ACACA: variants seen among roughly 807,000 people sequenced by gnomAD.
The protein encoded by ACACA is acetyl-CoA carboxylase alpha.
ACACA carries 103 observed loss-of-function variants against 296.1 expected under a neutral mutation model. The observed-to-expected ratio is 0.35, with a 90% CI of 0.30 to 0.41. ACACA has a LOEUF of 0.41. Ranked by LOEUF, ACACA falls within the 10% of genes least tolerant of loss-of-function variation. The probability of loss-of-function intolerance (pLI) is 1.00; values close to 1 mark genes in which losing one functional copy is unlikely to be tolerated. For missense variants in ACACA, 1,554 were observed against 2,989.7 expected (o/e 0.52, Z 11.20); for synonymous variants, 953 against 1,038.6 (o/e 0.92, Z 1.58).
At chr17:37,357,729 C>A (rs929617688) in intron 1 of ACACA, among the ~76,000 whole-genome samples, 3 of 152,146 alleles carry the variant, frequency 2.0e-5, no homozygotes, top group Non-Finnish European at 4.4e-5. Context: ...TCTATCTGGA[C>A]AGGTAAACTG....
At chr17:37,336,071 T>C (rs2048103324) in intron 2 of ACACA, among the ~76,000 whole-genome samples, 1 of 152,144 alleles carries the variant, frequency 6.6e-6, no homozygotes, top group Non-Finnish European at 1.5e-5. Context: ...GGACCCTGTA[T>C]CTTTAACCTC....
At chr17:37,389,855 T>C (rs953640289) in intron 1 of ACACA, among the ~76,000 whole-genome samples, 2 of 151,580 alleles carry the variant, frequency 1.3e-5, no homozygotes, top group African/African-American at 4.8e-5. Context: ...TGTCAGGAAA[T>C]AGGTAGGATT....
chr17:37,350,348 C>CAAA (rs199521054), intron 1 of ACACA, among the ~76,000 whole-genome samples: 1 of 138,596 alleles, frequency 7.2e-6, no homozygotes, highest in African/African-American at 2.7e-5. Flanking sequence ...AAAAAAAAAC[C>CAAA]AAAAAAAAAA....
At chr17:37,261,456 G>A (rs771805359) in intron 11 of ACACA, among the ~76,000 whole-genome samples, 34 of 152,208 alleles carry the variant, frequency 2.2e-4, no homozygotes, top group Non-Finnish European at 5.0e-4. Flanking sequence ...TGAAGGAATT[G>A]TATTTCTAAA....
At chr17:37,106,235 G>A (rs150704081) in intron 52 of ACACA, among the ~76,000 whole-genome samples, 1 of 152,158 alleles carries the variant, frequency 6.6e-6, no homozygotes, top group East Asian at 1.9e-4. Flanking sequence ...GAAAAACTGC[G>A]TAAATCAGAT....
intron 54 of ACACA, among the ~76,000 whole-genome samples, chr17:37,090,871 G>A (rs2072576654): frequency 6.6e-6 from 1 of 151,878 alleles, no homozygotes; most frequent in Non-Finnish European, 1.5e-5. Flanking sequence ...ATGAAGATTG[G>A]GGTGGAGGGG....
chr17:37,087,170 G>T lies in ACACA; in HGVS notation c.*146C>A. The T allele has an allele frequency of 9.1e-7, 1 of 1,101,088 alleles. No individual in the cohort carries two copies. Among genetic ancestry groups the T allele is most frequent in the Non-Finnish European group, 1.3e-6 (1 of 744,534 alleles). The allele number at this position is 1,101,088 out of a possible 1,614,324, so 68.2% of individuals were successfully genotyped here. On this transcript the variant is annotated 3_prime_UTR_variant, in exon 56 of 56. Coordinates refer to ENST00000616317, the MANE Select transcript of ACACA (RefSeq NM_198834.3). ...GTGATCTTACATCCCAGGATGTCATGCATAACCTGAAACGAGAGGAAGTAA... is the reference window on the plus strand; with the variant it reads ...GTGATCTTACATCCCAGGATGTCATTCATAACCTGAAACGAGAGGAAGTAA...
At chr17:37,151,629 A>G (rs934226135) in intron 43 of ACACA, among the ~76,000 whole-genome samples, 4 of 152,126 alleles carry the variant, frequency 2.6e-5, no homozygotes, top group African/African-American at 9.7e-5. Flanking sequence ...ACATGGTTTA[A>G]TAGAAAGAGC....
intron 5 of ACACA, among the ~76,000 whole-genome samples, chr17:37,282,953 G>A (rs542997022): frequency 2.0e-5 from 3 of 152,146 alleles, no homozygotes; most frequent in Non-Finnish European, 2.9e-5. Flanking sequence ...TTCCACTTAC[G>A]CATTCCAAAG....
At position 37,213,071 on chromosome 17, in the gene ACACA, G is replaced by A. The variant is rs2033929604; in HGVS notation, c.3684-2581C>T. On this transcript the variant is annotated intron_variant, in intron 29 of 55. Transcript: ENST00000616317. ...AGTGGCTCATGCCTATAATTCCAGC[G>A]CTTTGGGAGACTGAGGTGGGTGGAT... 1.3e-5 allele frequency among the ~76,000 whole-genome samples: 2 copies of A among 151,882 alleles called. 1 individual carries two copies. Among genetic ancestry groups the A allele is most frequent in the Middle Eastern group, 6.8e-3 (2 of 294 alleles).
intron 10 of ACACA, among the ~76,000 whole-genome samples, chr17:37,265,881 C>G (rs531813746): frequency 2.6e-5 from 4 of 152,302 alleles, no homozygotes; most frequent in Non-Finnish European, 5.9e-5. Context: ...GAATAGCTTT[C>G]TGTCTGCTTC....
chr17:37,289,252 A>T (rs1258893547), intron 3 of ACACA, among the ~76,000 whole-genome samples: 1 of 150,482 alleles, frequency 6.6e-6, no homozygotes, highest in Non-Finnish European at 1.5e-5. Context: ...ACAGAGTTAG[A>T]CTCCATCTCA....
chr17:37,164,205 T>C (rs952628730), intron 41 of ACACA, among the ~76,000 whole-genome samples: 5 of 151,790 alleles, frequency 3.3e-5, no homozygotes, highest in African/African-American at 9.7e-5. Flanking sequence ...CTGCTGCATA[T>C]CACCTCATTG....
intron 29 of ACACA, 46 bp downstream of exon 29, chr17:37,221,678 G>T: frequency 7.0e-7 from 1 of 1,431,302 alleles, no homozygotes; most frequent in Non-Finnish European, 9.9e-7. Flanking sequence ...TGATTCTCAT[G>T]GTATACCTCT....
At chr17:37,171,167 T>C (rs948036529) in intron 41 of ACACA, among the ~76,000 whole-genome samples, 19 of 152,204 alleles carry the variant, frequency 1.2e-4, no homozygotes, top group African/African-American at 4.6e-4. Context: ...TAAAATGATC[T>C]TGAGTTTTTT....
At chr17:37,151,686 G>A (rs987223335) in intron 43 of ACACA, among the ~76,000 whole-genome samples, 9 of 151,886 alleles carry the variant, frequency 5.9e-5, no homozygotes, top group Middle Eastern at 3.4e-3. Flanking sequence ...TTTTTGAGGC[G>A]GAGTCTCGCT....
At chr17:37,211,473 A>G (rs1567820119) in intron 29 of ACACA, among the ~76,000 whole-genome samples, 1 of 152,234 alleles carries the variant, frequency 6.6e-6, no homozygotes, top group Non-Finnish European at 1.5e-5. Context: ...TCAATGTTAA[A>G]TGGGCAAAGT....
At chr17:37,308,085 C>T (rs1439399848) in intron 3 of ACACA, among the ~76,000 whole-genome samples, 1 of 151,996 alleles carries the variant, frequency 6.6e-6, no homozygotes, top group African/African-American at 2.4e-5. Flanking sequence ...TATACTAAGC[C>T]ATAAAGTATC....
At chr17:37,367,154 T>C (rs965783123) in intron 1 of ACACA, 5 of 151,572 alleles carry the variant, frequency 3.3e-5, no homozygotes, top group African/African-American at 1.2e-4. Flanking sequence ...GGTAGAAAGT[T>C]ATTTTCCAAC....
Sources: gnomAD v4.1 joint callset for allele counts (sites outside exome capture counted in the v4.1 genomes callset) on GRCh38, gnomAD v4.1.1 for gene constraint, MANE v1.5 for transcripts, NCBI Gene and HGNC (gene_info 2026-07-23, HGNC 2026-07-21) for gene names.